GAS7: variants seen among roughly 807,000 people sequenced by gnomAD.
GAS7 encodes growth arrest specific 7, also known as growth arrest-specific protein 7.
In GAS7, 28 loss-of-function variants were observed where a neutral mutation model predicts 71.1. The observed-to-expected ratio is 0.39, with a 90% CI of 0.29 to 0.54. The LOEUF is 0.54. Among genes scored for constraint, GAS7 ranks in the 20% least tolerant of loss-of-function variants. The pLI is 0.62. For synonymous variants in GAS7, 258 were observed against 245.8 expected, an observed-to-expected ratio of 1.05 and a Z score of -0.46; for missense variants, 436 against 627.8, an observed-to-expected ratio of 0.69 and a Z score of 3.27.
At chr17:10,112,228 G>A (rs1457813652) in intron 1 of GAS7, among the ~76,000 whole-genome samples, 3 of 152,202 alleles carry the variant, frequency 2.0e-5, no homozygotes, top group African/African-American at 7.2e-5. Context: ...GCATCCTCGA[G>A]CACGTGACCG....
In GAS7 at chr17:9,959,085, C is replaced by T. The variant is rs1184912451; in HGVS notation, c.525+117G>A. The T allele has an allele frequency of 1.7e-5, 23 of 1,362,670 alleles. No homozygotes were observed. In the Middle Eastern group the frequency reaches 8.0e-4, roughly 47 times the overall value. 84.4% of individuals were successfully genotyped at this position (1,362,670 alleles called of 1,614,324 possible). On this transcript the variant is annotated intron_variant, in intron 5 of 13. Transcript: ENST00000432992. This position sits in a 1 kb window ranked among gnomAD's most constrained non-coding sequence, Gnocchi z 5.0. ...GAGTGAAATCCGAGCTTTGGAACTTCCCCGTTTCCAGGTTGGGCATCACTT... is the reference window on the plus strand; with the variant it reads ...GAGTGAAATCCGAGCTTTGGAACTTTCCCGTTTCCAGGTTGGGCATCACTT...
chr17:9,947,606 T>C (rs1006721283), intron 5 of GAS7, among the ~76,000 whole-genome samples: 5 of 151,736 alleles, frequency 3.3e-5, no homozygotes, highest in Non-Finnish European at 7.4e-5. Context: ...TAGCTGGGCG[T>C]AGTGGCGCAT....
chr17:9,932,806 T>C (rs1054291001), intron 9 of GAS7, among the ~76,000 whole-genome samples: 9 of 152,138 alleles, frequency 5.9e-5, no homozygotes, highest in Non-Finnish European at 1.0e-4. Flanking sequence ...TCCTGAGCCC[T>C]GAGGATGGGA....
chr17:10,146,079 T>C (rs1032468690), intron 1 of GAS7, among the ~76,000 whole-genome samples: 2 of 152,032 alleles, frequency 1.3e-5, no homozygotes, highest in Admixed American at 6.6e-5. Context: ...TCCACACACA[T>C]GCAAGAAGGC....
At chr17:9,941,905 G>T (rs985464883) in intron 7 of GAS7, among the ~76,000 whole-genome samples, 1 of 152,120 alleles carries the variant, frequency 6.6e-6, no homozygotes, top group Non-Finnish European at 1.5e-5. Flanking sequence ...AGGGAAAGGG[G>T]TGCTTCAAAA....
At chr17:9,970,657 A>C (rs1333689644) in intron 3 of GAS7, among the ~76,000 whole-genome samples, 1 of 152,054 alleles carries the variant, frequency 6.6e-6, no homozygotes, top group East Asian at 1.9e-4. Flanking sequence ...CAAAACAAAA[A>C]AAACACATTA....
intron 1 of GAS7, among the ~76,000 whole-genome samples, chr17:10,086,435 C>G (rs918456808): frequency 6.6e-6 from 1 of 152,200 alleles, no homozygotes; most frequent in Non-Finnish European, 1.5e-5. Context: ...TCATTTTCAC[C>G]CGGCATTCCC....
At chr17:10,150,591 C>CCTTTTTT (rs761633012) in intron 1 of GAS7, among the ~76,000 whole-genome samples, 5 of 118,956 alleles carry the variant, frequency 4.2e-5, no homozygotes, top group Non-Finnish European at 8.1e-5. Context: ...TGTTACATTT[C>CCTTTTTT]TTTTTTTTTT....
At chr17:9,923,720 A>G (rs2067900921) in intron 11 of GAS7, among the ~76,000 whole-genome samples, 1 of 152,256 alleles carries the variant, frequency 6.6e-6, no homozygotes, top group Non-Finnish European at 1.5e-5. Context: ...CTGGAAAGCA[A>G]TTTGGAAATA....
chr17:9,963,235 G>T (rs571846695), intron 4 of GAS7, among the ~76,000 whole-genome samples: 200 of 152,232 alleles, frequency 1.3e-3, no homozygotes, highest in African/African-American at 4.2e-3. Flanking sequence ...AAAGACCACA[G>T]ATAGTATGAT....
At chr17:10,124,992 T>C (rs2073933502) in intron 1 of GAS7, among the ~76,000 whole-genome samples, 1 of 151,622 alleles carries the variant, frequency 6.6e-6, no homozygotes. Context: ...GTGGTCCACA[T>C]TTCCTGGAAA....
At chr17:9,999,682 G>A (rs1202040416) in intron 2 of GAS7, among the ~76,000 whole-genome samples, 4 of 152,144 alleles carry the variant, frequency 2.6e-5, no homozygotes, top group Non-Finnish European at 5.9e-5. Context: ...GGAAGAGGAT[G>A]GCCATTTAGC....
intron 1 of GAS7, among the ~76,000 whole-genome samples, chr17:10,074,952 C>CAAA (rs11444410): frequency 5.8e-4 from 84 of 143,974 alleles, no homozygotes; most frequent in African/African-American, 1.9e-3. Flanking sequence ...AAAGAAACTA[C>CAAA]AAAAAAAAAA....
At chr17:10,055,483 C>A (rs549038774) in intron 1 of GAS7, among the ~76,000 whole-genome samples, 1 of 152,280 alleles carries the variant, frequency 6.6e-6, no homozygotes, top group South Asian at 2.1e-4. Context: ...CTTGTTCATC[C>A]CTGTCTGTAC....
At chr17:9,918,914 G>A (rs2067689777) in intron 12 of GAS7, among the ~76,000 whole-genome samples, 1 of 152,146 alleles carries the variant, frequency 6.6e-6, no homozygotes, top group Non-Finnish European at 1.5e-5. Flanking sequence ...TGTCCCTGGT[G>A]GAGGCCTCTA....
rs889484290 is a variant in GAS7 at position 9,959,686 on chromosome 17, A to C, written c.472-431T>G. 6.6e-6 allele frequency among the ~76,000 whole-genome samples: 1 copy of C among 151,536 alleles called. No individual in the cohort carries two copies. Among genetic ancestry groups the C allele is most frequent in the African/African-American group, 2.4e-5 (1 of 41,252 alleles). On this transcript the variant is annotated intron_variant, in intron 4 of 13. Transcript: ENST00000432992. The surrounding 1 kb of genome is among the most constrained non-coding windows in gnomAD (Gnocchi z 5.0). ...TCAGCACACGACATTTTATTCTGAA[A>C]CCCCCCGGGTCCAAAACGTCAAACC...
intron 3 of GAS7, among the ~76,000 whole-genome samples, chr17:9,976,942 T>C (rs2070230305): frequency 6.6e-6 from 1 of 152,216 alleles, no homozygotes; most frequent in African/African-American, 2.4e-5. Flanking sequence ...AAATCAAATT[T>C]AAATAAAATC....
intron 1 of GAS7, among the ~76,000 whole-genome samples, chr17:10,115,369 G>A (rs2073851512): frequency 6.6e-6 from 1 of 152,154 alleles, no homozygotes; most frequent in Non-Finnish European, 1.5e-5. Context: ...TCATAACTAA[G>A]CACACTTCAT....
Position 9,969,485 on chromosome 17 carries a change from A to G in GAS7, c.471+192T>C, listed in dbSNP as rs925142596. Among the ~76,000 whole-genome samples the G allele has an allele frequency of 6.6e-6, 1 of 152,088 alleles. No individual in the cohort carries two copies. The highest frequency in any genetic ancestry group is 1.5e-5 in the Non-Finnish European group (1 of 67,998). On this transcript the variant is annotated intron_variant, in intron 4 of 13. Transcript: ENST00000432992. The surrounding 1 kb of genome is among the most constrained non-coding windows in gnomAD (Gnocchi z 5.5). ...CCAAACCACCCTCGACTTCTAGAAA[A>G]CCAACAGACCACAATCATCCAACCC... is the stretch of plus-strand genomic sequence containing the variant.
Sources: allele counts gnomAD v4.1 joint callset (sites outside exome capture counted in the v4.1 genomes callset), GRCh38; gene constraint gnomAD v4.1.1; non-coding constraint Gnocchi (gnomAD v3.1); transcripts MANE v1.5; gene names NCBI Gene and HGNC (gene_info 2026-07-23, HGNC 2026-07-21).